The following SYNPO2 variants were observed in gnomAD, a reference collection of about 807,000 sequenced individuals.
SYNPO2 encodes the protein synaptopodin 2.
A neutral mutation model predicts 85.0 loss-of-function variants in SYNPO2; 56 were observed. The ratio of observed to expected loss-of-function variants is 0.66; its 90% CI spans 0.53 to 0.82. The LOEUF (loss-of-function observed/expected upper bound fraction) is 0.82. Among genes scored for constraint, SYNPO2 ranks in the 40% least tolerant of loss-of-function variants. The pLI, the probability that SYNPO2 is intolerant of heterozygous loss-of-function variation, is 0.00. For synonymous variants in SYNPO2, 602 were observed against 591.1 expected, an observed-to-expected ratio of 1.02 and a Z score of -0.27; for missense variants, 1,575 against 1,534.2, an observed-to-expected ratio of 1.03 and a Z score of -0.44.
intron 1 of SYNPO2, among the ~76,000 whole-genome samples, chr4:118,971,505 C>T (rs984664039): frequency 2.6e-5 from 4 of 152,238 alleles, no homozygotes; most frequent in African/African-American, 4.8e-5. Flanking sequence ...GCTAGAATGG[C>T]GCTTCCATAT....
At chr4:118,947,109 G>A (rs1734531349) in intron 1 of SYNPO2, among the ~76,000 whole-genome samples, 1 of 152,148 alleles carries the variant, frequency 6.6e-6, no homozygotes. Flanking sequence ...GGATTACATT[G>A]TTGCTTGGCT....
At chr4:119,018,556 C>T (rs1015354356) in intron 1 of SYNPO2, among the ~76,000 whole-genome samples, 1 of 152,138 alleles carries the variant, frequency 6.6e-6, no homozygotes, top group Non-Finnish European at 1.5e-5. Flanking sequence ...TTCCCACCAA[C>T]AGGGTATGTG....
intron 1 of SYNPO2, among the ~76,000 whole-genome samples, chr4:118,922,876 A>G (rs185337834): frequency 1.3e-5 from 2 of 152,276 alleles, no homozygotes; most frequent in East Asian, 3.9e-4. Flanking sequence ...AAAAAATAAA[A>G]TCTTTTTATT....
At chr4:118,874,914 G>C (rs1731875684) in intron 1 of SYNPO2, among the ~76,000 whole-genome samples, 1 of 152,138 alleles carries the variant, frequency 6.6e-6, no homozygotes, top group South Asian at 2.1e-4. Context: ...GTGCAGGTTT[G>C]TTGCATATGT....
chr4:118,997,157 G>A (rs1227127138), intron 1 of SYNPO2, among the ~76,000 whole-genome samples: 2 of 146,064 alleles, frequency 1.4e-5, no homozygotes, highest in African/African-American at 2.5e-5. Flanking sequence ...GGAGAATGGC[G>A]TGAACCCGGG....
chr4:118,869,061 AATT>A (rs559947310), intron 1 of SYNPO2, among the ~76,000 whole-genome samples: 1 of 152,016 alleles, frequency 6.6e-6, no homozygotes, highest in African/African-American at 2.4e-5. Context: ...GCAAAAAGAA[AATT>A]ATTATTATTA....
At chr4:118,909,116 A>ACG (rs1206746996) in intron 1 of SYNPO2, among the ~76,000 whole-genome samples, 3 of 152,192 alleles carry the variant, frequency 2.0e-5, no homozygotes, top group African/African-American at 7.2e-5. Flanking sequence ...AAATATGGAC[A>ACG]CACGGCTCAT....
chr4:118,906,408 CTTACCTCCA>C (rs1732939545), intron 1 of SYNPO2, among the ~76,000 whole-genome samples: 3 of 152,172 alleles, frequency 2.0e-5, no homozygotes, highest in South Asian at 4.1e-4. Context: ...TCTAATTTCT[CTTACCTCCA>C]TTACCTTAAC....
chr4:119,048,901 TTAAACAG>T (rs749476497), intron 4 of SYNPO2, among the ~76,000 whole-genome samples: 1 of 152,184 alleles, frequency 6.6e-6, no homozygotes, highest in Non-Finnish European at 1.5e-5. Context: ...TGGGAAGTTT[TTAAACAG>T]TAGACTGAAT....
chr4:118,920,000 G>T (rs985507637), intron 1 of SYNPO2, among the ~76,000 whole-genome samples: 3 of 152,140 alleles, frequency 2.0e-5, no homozygotes, highest in Non-Finnish European at 4.4e-5. Context: ...ATTATTGGAC[G>T]GATGAGAGAC....
At chr4:118,936,190 G>GT (rs1270802532) in intron 1 of SYNPO2, among the ~76,000 whole-genome samples, 1 of 152,122 alleles carries the variant, frequency 6.6e-6, no homozygotes, top group African/African-American at 2.4e-5. Flanking sequence ...GCCATATAAC[G>GT]TAGGTGTGTA....
chr4:118,878,916 C>T (rs992025568), intron 1 of SYNPO2, among the ~76,000 whole-genome samples: 5 of 152,212 alleles, frequency 3.3e-5, no homozygotes, highest in Non-Finnish European at 5.9e-5. Flanking sequence ...TGCAGTAAAT[C>T]CTACTGCTGT....
intron 1 of SYNPO2, among the ~76,000 whole-genome samples, chr4:119,020,122 T>A (rs1737662482): frequency 6.6e-6 from 1 of 152,110 alleles, no homozygotes; most frequent in African/African-American, 2.4e-5. Context: ...TATAAGACCC[T>A]GTCATACCAT....
chr4:118,930,991 A>T (rs2149133104), intron 1 of SYNPO2, among the ~76,000 whole-genome samples: 1 of 152,148 alleles, frequency 6.6e-6, no homozygotes, highest in Non-Finnish European at 1.5e-5. Flanking sequence ...CTTTACCCAC[A>T]GGGATGACTC....
chr4:118,959,885 A>C (rs1735012507), intron 1 of SYNPO2, among the ~76,000 whole-genome samples: 1 of 151,518 alleles, frequency 6.6e-6, no homozygotes, highest in Admixed American at 6.6e-5. Flanking sequence ...TAATTCCTGG[A>C]ACCTGTGAGT....
upstream of SYNPO2, among the ~76,000 whole-genome samples, chr4:118,884,938 C>T (rs143596957): frequency 1.7e-3 from 265 of 152,238 alleles, no homozygotes; most frequent in African/African-American, 6.0e-3. Context: ...GTGATAGTAG[C>T]ACGTGGAAGG....
chr4:119,001,233 G>GA (rs1371161368), intron 1 of SYNPO2, among the ~76,000 whole-genome samples: 3 of 151,616 alleles, frequency 2.0e-5, no homozygotes, highest in Non-Finnish European at 2.9e-5. Flanking sequence ...TCAATTGACA[G>GA]AAAAAAAATG....
At chr4:118,963,810 G>T (rs918605481) in intron 1 of SYNPO2, among the ~76,000 whole-genome samples, 12 of 152,130 alleles carry the variant, frequency 7.9e-5, no homozygotes, top group African/African-American at 2.9e-4. Context: ...CAAACAACTT[G>T]CATTAAGCTT....
At chr4:118,945,511 AAT>A (rs1393290820) in intron 1 of SYNPO2, among the ~76,000 whole-genome samples, 4 of 152,242 alleles carry the variant, frequency 2.6e-5, no homozygotes, top group Non-Finnish European at 5.9e-5. Context: ...TTAAGATAAA[AAT>A]GCTAGAAATC....
Sources: allele counts gnomAD v4.1 joint callset (sites outside exome capture counted in the v4.1 genomes callset), GRCh38; gene constraint gnomAD v4.1.1; transcripts MANE v1.5; gene names NCBI Gene and HGNC (gene_info 2026-07-23, HGNC 2026-07-21).